TMEM30B: variants seen among roughly 807,000 people sequenced by gnomAD.
The protein encoded by TMEM30B is cell division cycle 50 P4-ATPase accessory subunit B.
Under a neutral mutation model 27.9 loss-of-function variants are expected in TMEM30B, and 25 were observed. The observed-to-expected ratio is 0.89, with a 90% CI of 0.65 to 1.25. The LOEUF is 1.25. Among genes scored for constraint, TMEM30B ranks in the 50% most tolerant of loss-of-function variants. The probability of loss-of-function intolerance (pLI) is 0.00; values close to 1 mark genes in which losing one functional copy is unlikely to be tolerated. For missense variants in TMEM30B, 536 were observed against 506.5 expected (o/e 1.06, Z -0.56); for synonymous variants, 248 against 238.5 (o/e 1.04, Z -0.37).
At position 61,280,844 on chromosome 14, in the gene TMEM30B, C is replaced by G. The variant is rs530966122; in HGVS notation, c.304G>C (p.Glu102Gln). The G allele has an allele frequency of 1.3e-6, 2 of 1,564,948 alleles. No homozygotes were observed. The highest frequency in any genetic ancestry group is 2.7e-5 in the African/African-American group (2 of 73,778). Residue 102 changes from glutamate (E) to glutamine (Q), a missense_variant, in exon 1 of 1, where the codon GAG becomes CAG. Physicochemically the swap from Glu to Gln is conservative, Grantham distance 29. Coordinates refer to ENST00000555868, the MANE Select transcript of TMEM30B (RefSeq NM_001017970.3). The surrounding 1 kb of genome is among the most constrained non-coding windows in gnomAD (Gnocchi z 5.0). ...CSCAWYFSLP[E>Q]LFQGPVYLYY... The stretch of plus-strand genomic sequence containing the variant: ...AGGTACACTGGGCCCTGGAAGAGCT[C>G]GGGCAGCGAGAAGTACCAGGCGCAC...
In TMEM30B at chr14:61,279,654, A is replaced by C. The variant is rs934659875; in HGVS notation, c.*438T>G. 2.6e-5 allele frequency: 4 copies of C among 156,410 alleles called. No individual in the cohort carries two copies. Among genetic ancestry groups the C allele is most frequent in the African/African-American group, 7.2e-5 (3 of 41,526 alleles). 9.7% of individuals were successfully genotyped at this position (156,410 alleles called of 1,614,324 possible). A position where few individuals can be genotyped will look rare whatever the true frequency, so the allele number is the denominator to read the frequency against. ...ATTCCAGCCCACTCTCCCCGACCAA[A>C]GAAAAGAAAACCACTGTACTGTAGT... On this transcript the variant is annotated 3_prime_UTR_variant, in exon 1 of 1. Coordinates refer to ENST00000555868, the MANE Select transcript of TMEM30B (RefSeq NM_001017970.3).
Position 61,280,958 on chromosome 14 carries a change from C to G in TMEM30B, c.190G>C (p.Glu64Gln), listed in dbSNP as rs761991393. Residue 64 changes from glutamate (E) to glutamine (Q), a missense_variant, in exon 1 of 1, where the codon GAG (glutamate) becomes CAG (glutamine). Glu to Gln is a conservative substitution (Grantham distance 29, BLOSUM62 2). Coordinates refer to ENST00000555868, the MANE Select transcript of TMEM30B (RefSeq NM_001017970.3). This position sits in a 1 kb window ranked among gnomAD's most constrained non-coding sequence, Gnocchi z 5.0. Reference protein sequence around the residue: ...YYSSNGIKELEYDYTGDPGTG... With the variant: ...YYSSNGIKELQYDYTGDPGTG... ...CCCGGGTCGCCTGTATAGTCGTACT[C>G]CAGCTCCTTGATGCCGTTGGAGGAG... The G allele has an allele frequency of 6.5e-6, 10 of 1,543,122 alleles. No homozygotes were observed. The highest frequency in any genetic ancestry group is 7.8e-6 in the Non-Finnish European group (9 of 1,147,638).
At position 61,280,776 on chromosome 14, in the gene TMEM30B, G is replaced by T. The variant is rs777955116; in HGVS notation, c.372C>A (p.Tyr124Ter). The change falls in exon 1 of 1, where the codon TAC becomes TAA. Residue 124 changes from tyrosine to a stop codon, truncating the protein, a stop_gained. Transcript: ENST00000555868. LOFTEE classifies it high-confidence loss of function. This position sits in a 1 kb window ranked among gnomAD's most constrained non-coding sequence, Gnocchi z 5.0. ...GCTGCGCGTCGTCGCGGGACACGCC[G>T]TAGCGCCGGTTGTTCTGGTAGAAGT... The part of the protein sequence containing the change: ...LTNFYQNNRR[Y>*]GVSRDDAQLS... The T allele has an allele frequency of 3.9e-6, 6 of 1,554,580 alleles. No individual in the cohort carries two copies. Among genetic ancestry groups the T allele is most frequent in the Non-Finnish European group, 5.2e-6 (6 of 1,158,916 alleles).
chr14:61,280,338 G>A lies in TMEM30B; in HGVS notation c.810C>T (p.Arg270=). The part of the protein sequence containing the change: ...PTFRKLYARI[R]QGNYSAGLPR... ...GCAGCCCGGCCGAGTAGTTGCCCTG[G>A]CGGATGCGCGCGTACAGTTTGCGGA... is the stretch of plus-strand genomic sequence containing the variant. The change falls in exon 1 of 1, where the codon CGC becomes CGT. Residue 270 remains arginine, a synonymous_variant. Coordinates refer to ENST00000555868, the MANE Select transcript of TMEM30B (RefSeq NM_001017970.3). This position sits in a 1 kb window ranked among gnomAD's most constrained non-coding sequence, Gnocchi z 5.0. 1 of 1,613,872 alleles carries A rather than the reference G, an allele frequency of 6.2e-7. No homozygotes were observed. Among genetic ancestry groups the A allele is most frequent in the Non-Finnish European group, 8.5e-7 (1 of 1,179,932 alleles).
chr14:61,280,031 T>C lies in TMEM30B; in HGVS notation c.*61A>G. ...AATTGGGTGACGGGCGAGGAGGAGA[T>C]GCCAAAAGCACCTTGCAAGAGTTTT... is the stretch of plus-strand genomic sequence containing the variant. On this transcript the variant is annotated 3_prime_UTR_variant, in exon 1 of 1. Coordinates refer to ENST00000555868, the MANE Select transcript of TMEM30B (RefSeq NM_001017970.3). This position sits in a 1 kb window ranked among gnomAD's most constrained non-coding sequence, Gnocchi z 5.0. The C allele has an allele frequency of 6.9e-7, 1 of 1,439,258 alleles. No individual in the cohort carries two copies. Among genetic ancestry groups the C allele is most frequent in the East Asian group, 2.4e-5 (1 of 40,928 alleles). The allele number at this position is 1,439,258 out of a possible 1,614,324, so 89.2% of individuals were successfully genotyped here.
chr14:61,281,180 C>T lies in TMEM30B; in HGVS notation c.-33G>A. The T allele has an allele frequency of 7.9e-7, 1 of 1,267,048 alleles. No individual in the cohort carries two copies. Among genetic ancestry groups the T allele is most frequent in the African/African-American group, 1.6e-5 (1 of 62,954 alleles). The allele number at this position is 1,267,048 out of a possible 1,614,324, so 78.5% of individuals were successfully genotyped here. A position where few individuals can be genotyped will look rare whatever the true frequency, so the allele number is the denominator to read the frequency against. On this transcript the variant is annotated 5_prime_UTR_variant, in exon 1 of 1. Transcript: ENST00000555868. ...GCGCGGGGACCGACGCGCGGGCTGA[C>T]CGAGTGGGGGCCCCGCCGCGGGGCG...
In TMEM30B at chr14:61,278,502, A is replaced by G. The variant is rs539060627; in HGVS notation, c.*1590T>C. The stretch of plus-strand genomic sequence containing the variant: ...TAGAATAAACTATGTAAACTATTCA[A>G]TACAATTCAATATTACTTAACTGCT... On this transcript the variant is annotated 3_prime_UTR_variant, in exon 1 of 1. Coordinates refer to ENST00000555868, the MANE Select transcript of TMEM30B (RefSeq NM_001017970.3). 1 of 152,352 alleles carries G rather than the reference A, an allele frequency of 6.6e-6. No individual in the cohort carries two copies. Among genetic ancestry groups the G allele is most frequent in the South Asian group, 2.1e-4 (1 of 4,832 alleles). 9.4% of individuals were successfully genotyped at this position (152,352 alleles called of 1,614,324 possible).
Position 61,281,181 on chromosome 14 carries a change from C to A in TMEM30B, c.-34G>T. 2 of 1,256,300 alleles carry A rather than the reference C, an allele frequency of 1.6e-6. No homozygotes were observed. The highest frequency in any genetic ancestry group is 6.4e-5 in the South Asian group (2 of 31,118). The allele number at this position is 1,256,300 out of a possible 1,614,324, so 77.8% of individuals were successfully genotyped here. A position where few individuals can be genotyped will look rare whatever the true frequency, so the allele number is the denominator to read the frequency against. ...CGCGGGGACCGACGCGCGGGCTGAC[C>A]GAGTGGGGGCCCCGCCGCGGGGCGC... On this transcript the variant is annotated 5_prime_UTR_variant, in exon 1 of 1. Coordinates refer to ENST00000555868, the MANE Select transcript of TMEM30B (RefSeq NM_001017970.3).
Position 61,279,928 on chromosome 14 carries a change from GCCCC to G in TMEM30B, c.*160_*163del, listed in dbSNP as rs1000015382. On this transcript the variant is annotated 3_prime_UTR_variant, in exon 1 of 1. Transcript: ENST00000555868. ...CTCCCCGCGGCAAGACAGTCTAGCA[GCCCC>G]CCAAGAGCAAGGGGGGTAATTCCCT... is the stretch of plus-strand genomic sequence containing the variant. 67 of 643,782 alleles carry G rather than the reference GCCCC, an allele frequency of 1.0e-4. No individual in the cohort carries two copies. The highest frequency in any genetic ancestry group is 1.6e-5 in the Non-Finnish European group (6 of 375,308). The allele number at this position is 643,782 out of a possible 1,614,324, so 39.9% of individuals were successfully genotyped here.
At position 61,281,075 on chromosome 14, in the gene TMEM30B, C is replaced by A. The variant is rs2045260710; in HGVS notation, c.73G>T (p.Ala25Ser). Reference sequence around the variant, plus strand: ...CTGGCCGACAGCAGCGGCTGCCAGGCGGGGAGGCGCTGCTGAGTGAAGGCG... The same window carrying A: ...CTGGCCGACAGCAGCGGCTGCCAGGAGGGGAGGCGCTGCTGAGTGAAGGCG... ...NTAFTQQRLP[A>S]WQPLLSASIA... The change falls in exon 1 of 1, where the codon GCC becomes TCC. Residue 25 changes from alanine to serine, a missense_variant. Coordinates refer to ENST00000555868, the MANE Select transcript of TMEM30B (RefSeq NM_001017970.3). 2.0e-6 allele frequency: 3 copies of A among 1,515,678 alleles called. No homozygotes were observed. The highest frequency in any genetic ancestry group is 1.4e-5 in the African/African-American group (1 of 69,936). 93.9% of individuals were successfully genotyped at this position (1,515,678 alleles called of 1,614,324 possible).
At position 61,281,162 on chromosome 14, in the gene TMEM30B, G is replaced by C; in HGVS notation, c.-15C>G. The C allele has an allele frequency of 1.5e-6, 2 of 1,313,108 alleles. No individual in the cohort carries two copies. The highest frequency in any genetic ancestry group is 2.8e-4 in the Middle Eastern group (1 of 3,516). 81.3% of individuals were successfully genotyped at this position (1,313,108 alleles called of 1,614,324 possible). On this transcript the variant is annotated 5_prime_UTR_variant, in exon 1 of 1. Transcript: ENST00000555868. ...CTCCAGGTCATGGCGGCCGCGCGGG[G>C]ACCGACGCGCGGGCTGACCGAGTGG...
In TMEM30B at chr14:61,280,126, C is replaced by T; in HGVS notation, c.1022G>A (p.Arg341His). ...TGFVMLVVYI[R>H]YQDQDDDDEE ...GTCGTCGTCGTCCTGGTCCTGGTAG[C>T]GAATGTAGACGACCAGCATGACAAA... is the stretch of plus-strand genomic sequence containing the variant. Residue 341 changes from arginine (R) to histidine (H), a missense_variant, in exon 1 of 1, where the codon CGC becomes CAC. Transcript: ENST00000555868. The surrounding 1 kb of genome is among the most constrained non-coding windows in gnomAD (Gnocchi z 5.0). 1.2e-6 allele frequency: 2 copies of T among 1,613,470 alleles called. No individual in the cohort carries two copies. Among genetic ancestry groups the T allele is most frequent in the Non-Finnish European group, 1.7e-6 (2 of 1,179,700 alleles).
Position 61,280,842 on chromosome 14 carries a change from C to G in TMEM30B, c.306G>C (p.Glu102Asp). The change falls in exon 1 of 1, where the codon GAG (glutamate) becomes GAC (aspartate). Residue 102 changes from glutamate to aspartate, a missense_variant. Coordinates refer to ENST00000555868, the MANE Select transcript of TMEM30B (RefSeq NM_001017970.3). This position sits in a 1 kb window ranked among gnomAD's most constrained non-coding sequence, Gnocchi z 5.0. The stretch of plus-strand genomic sequence containing the variant: ...AGAGGTACACTGGGCCCTGGAAGAG[C>G]TCGGGCAGCGAGAAGTACCAGGCGC... ...CSCAWYFSLPELFQGPVYLYY... is the reference protein window; with the variant it reads ...CSCAWYFSLPDLFQGPVYLYY... 6.4e-7 allele frequency: 1 copy of G among 1,565,492 alleles called. No individual in the cohort carries two copies. The highest frequency in any genetic ancestry group is 8.6e-7 in the Non-Finnish European group (1 of 1,163,956).
Position 61,280,479 on chromosome 14 carries a change from C to G in TMEM30B, c.669G>C (p.Thr223=). Residue 223 remains threonine (T), a synonymous_variant, in exon 1 of 1, where the codon ACG becomes ACC. Coordinates refer to ENST00000555868, the MANE Select transcript of TMEM30B (RefSeq NM_001017970.3). The surrounding 1 kb of genome is among the most constrained non-coding windows in gnomAD (Gnocchi z 5.0). ...NGSLALAFQG[T]APPPNWRRPV... ...GCCGGCGCCAGTTGGGCGGGGGCGC[C>G]GTGCCCTGGAAGGCCAACGCCAGGC... 1.2e-6 allele frequency: 2 copies of G among 1,613,200 alleles called. No individual in the cohort carries two copies. Among genetic ancestry groups the G allele is most frequent in the Non-Finnish European group, 1.7e-6 (2 of 1,179,662 alleles).
Position 61,280,566 on chromosome 14 carries a change from G to C in TMEM30B, c.582C>G (p.Ser194=), listed in dbSNP as rs1158292671. 2 of 1,606,474 alleles carry C rather than the reference G, an allele frequency of 1.2e-6. No homozygotes were observed. Among genetic ancestry groups the C allele is most frequent in the South Asian group, 2.2e-5 (2 of 90,430 alleles). Residue 194 remains serine (S), a synonymous_variant, in exon 1 of 1, where the codon TCC becomes TCG. Coordinates refer to ENST00000555868, the MANE Select transcript of TMEM30B (RefSeq NM_001017970.3). This position sits in a 1 kb window ranked among gnomAD's most constrained non-coding sequence, Gnocchi z 5.0. ...GGTAGTCGGTCCACCAGGCGATGCC[G>C]GAGCGGTCGAGCGGCACCTCGACGT... ...GPYVEVPLDR[S]GIAWWTDYHV... is the part of the protein sequence containing the mutation.
Position 61,281,258 on chromosome 14 carries a change from C to A in TMEM30B, c.-111G>T, listed in dbSNP as rs78588528. ...GGGACTGCTCGCGGGTCGGGTTTCCCGCCAGCTCAGGTGGGTTTTTGCCCG... is the reference window on the plus strand; with the variant it reads ...GGGACTGCTCGCGGGTCGGGTTTCCAGCCAGCTCAGGTGGGTTTTTGCCCG... On this transcript the variant is annotated 5_prime_UTR_variant, in exon 1 of 1. Transcript: ENST00000555868. The A allele has an allele frequency of 5.9e-3, 3,591 of 605,882 alleles. 132 individuals carry two copies. The African/African-American group carries it at 0.064, about 11-fold the overall frequency. The allele number at this position is 605,882 out of a possible 1,614,324, so 37.5% of individuals were successfully genotyped here.
chr14:61,281,100 G>T lies in TMEM30B; in HGVS notation c.48C>A (p.Thr16=). The change falls in exon 1 of 1, where the codon ACC becomes ACA. Residue 16 remains threonine, a synonymous_variant. Coordinates refer to ENST00000555868, the MANE Select transcript of TMEM30B (RefSeq NM_001017970.3). ...TARGAHQPDN[T]AFTQQRLPAW... ...CGGGGAGGCGCTGCTGAGTGAAGGCGGTGTTGTCGGGCTGGTGGGCGCCCC... is the reference window on the plus strand; with the variant it reads ...CGGGGAGGCGCTGCTGAGTGAAGGCTGTGTTGTCGGGCTGGTGGGCGCCCC... 6.8e-7 allele frequency: 1 copy of T among 1,476,566 alleles called. No homozygotes were observed. Among genetic ancestry groups the T allele is most frequent in the Non-Finnish European group, 9.0e-7 (1 of 1,116,882 alleles). 91.5% of individuals were successfully genotyped at this position (1,476,566 alleles called of 1,614,324 possible). A position where few individuals can be genotyped will look rare whatever the true frequency, so the allele number is the denominator to read the frequency against.
rs1176365277 is a variant in TMEM30B, at chr14:61,280,417, C to T, written c.731G>A (p.Gly244Asp). 1 of 1,614,014 alleles carries T rather than the reference C, an allele frequency of 6.2e-7. No homozygotes were observed. Among genetic ancestry groups the T allele is most frequent in the East Asian group, 2.2e-5 (1 of 44,862 alleles). ...YELSPDPNNT[G>D]FINQDFVVWM... is the part of the protein sequence containing the mutation. ...CACCACGAAGTCCTGATTGATGAAG[C>T]CGGTGTTGTTGGGGTCGGGGCTGAG... Residue 244 changes from glycine (G) to aspartate (D), a missense_variant, in exon 1 of 1, where the codon GGC becomes GAC. Physicochemically the swap from Gly to Asp is moderately conservative, Grantham distance 94. Coordinates refer to ENST00000555868, the MANE Select transcript of TMEM30B (RefSeq NM_001017970.3). The surrounding 1 kb of genome is among the most constrained non-coding windows in gnomAD (Gnocchi z 5.0).
In TMEM30B at chr14:61,281,143, G is replaced by A. The variant is rs1482775329; in HGVS notation, c.5C>T (p.Thr2Ile). Residue 2 changes from threonine (T) to isoleucine (I), a missense_variant, in exon 1 of 1, where the codon ACC becomes ATC. Physicochemically the swap from Thr to Ile is moderately conservative, Grantham distance 89. Coordinates refer to ENST00000555868, the MANE Select transcript of TMEM30B (RefSeq NM_001017970.3). M[T>I]WSATARGAHQ... ...GGCGCCCCGGGCCGTGGCGCTCCAG[G>A]TCATGGCGGCCGCGCGGGGACCGAC... The A allele has an allele frequency of 1.1e-5, 15 of 1,350,412 alleles. No homozygotes were observed. The South Asian group carries it at 2.7e-4, about 24-fold the overall frequency. The allele number at this position is 1,350,412 out of a possible 1,614,324, so 83.7% of individuals were successfully genotyped here.
Sources: gnomAD v4.1 joint callset for allele counts on GRCh38, gnomAD v4.1.1 for gene constraint, Gnocchi (gnomAD v3.1) non-coding constraint, MANE v1.5 for transcripts, NCBI Gene and HGNC (gene_info 2026-07-23, HGNC 2026-07-21) for gene names.